The following ELAVL4 variants were observed in gnomAD, a reference collection of about 807,000 sequenced individuals.
ELAVL4 encodes ELAV-like protein 4.
In ELAVL4, 1 loss-of-function variant was observed where a neutral mutation model predicts 35.6. That is an observed-to-expected ratio of 0.03 (90% confidence interval 0.01 to 0.13). The LOEUF is 0.13. Ranked by LOEUF, ELAVL4 falls within the 10% of genes least tolerant of loss-of-function variation. The pLI is 1.00. For missense variants in ELAVL4, 267 were observed against 464.9 expected (o/e 0.57, Z 3.91); for synonymous variants, 156 against 171.0 (o/e 0.91, Z 0.69).
At chr1:50,199,974 TAAC>T (rs1402520999) in intron 6 of ELAVL4, among the ~76,000 whole-genome samples, 1 of 152,132 alleles carries the variant, frequency 6.6e-6, no homozygotes, top group Non-Finnish European at 1.5e-5. Flanking sequence ...ATAGGGCAAA[TAAC>T]AATTCTATGC....
intron 4 of ELAVL4, 69 bp downstream of exon 4, chr1:50,193,987 G>C: frequency 6.4e-7 from 1 of 1,562,594 alleles, no homozygotes; most frequent in Non-Finnish European, 8.7e-7. Context: ...CATAAGAGCA[G>C]AAGGCTGATG....
intron 1 of ELAVL4, among the ~76,000 whole-genome samples, chr1:50,087,628 C>G (rs144819019): frequency 2.5e-4 from 38 of 152,282 alleles, no homozygotes; most frequent in African/African-American, 8.9e-4. Flanking sequence ...TATTGAAGCT[C>G]TAGCTCTTGA....
In ELAVL4 at chr1:50,196,427, G is replaced by A. The variant is rs1644063971; in HGVS notation, c.734+641G>A. On this transcript the variant is annotated intron_variant, in intron 5 of 6. Transcript: ENST00000371824. ...TTCTAAAAGACAGGTTTCTCTCCATGAAGGCAGTATGACCTTGACTGGTCT... is the reference window on the plus strand; with the variant it reads ...TTCTAAAAGACAGGTTTCTCTCCATAAAGGCAGTATGACCTTGACTGGTCT... 2.6e-5 allele frequency among the ~76,000 whole-genome samples: 4 copies of A among 152,208 alleles called. No homozygotes were observed. The South Asian group carries it at 6.2e-4, about 24-fold the overall frequency.
chr1:50,090,721 G>A (rs1254733433), intron 1 of ELAVL4, among the ~76,000 whole-genome samples: 1 of 152,188 alleles, frequency 6.6e-6, no homozygotes, highest in Non-Finnish European at 1.5e-5. Context: ...AAGAGAGAGA[G>A]TGAAGATGGC....
At chr1:50,079,542 G>T (rs1011331306) in intron 1 of ELAVL4, among the ~76,000 whole-genome samples, 1 of 152,134 alleles carries the variant, frequency 6.6e-6, no homozygotes, top group Admixed American at 6.6e-5. Context: ...TCAAGAAGGG[G>T]GCATGACCTT....
chr1:50,051,405 C>T (rs1663374443), intron 1 of ELAVL4, among the ~76,000 whole-genome samples: 1 of 152,114 alleles, frequency 6.6e-6, no homozygotes, highest in Non-Finnish European at 1.5e-5. Context: ...AAAGATAAGA[C>T]ATGAGAAATC....
intron 2 of ELAVL4, among the ~76,000 whole-genome samples, chr1:50,155,756 G>T (rs1228301365): frequency 1.3e-5 from 2 of 152,130 alleles, no homozygotes; most frequent in Non-Finnish European, 2.9e-5. Flanking sequence ...GAGGGTTTCT[G>T]CAGTGAGTTC....
At chr1:50,052,647 A>G (rs1309317908) in intron 1 of ELAVL4, among the ~76,000 whole-genome samples, 1 of 152,184 alleles carries the variant, frequency 6.6e-6, no homozygotes, top group Non-Finnish European at 1.5e-5. Flanking sequence ...TTTTCCACAT[A>G]TTCAAACCAT....
In ELAVL4 at chr1:50,069,844, C is replaced by A. The variant is rs1186735815; in HGVS notation, c.18+21662C>A. On this transcript the variant is annotated intron_variant, in intron 1 of 6. Transcript: ENST00000448907. ...CTGGGTACTATATTTCCTTTGTAGA[C>A]CCTTCTTGTGCTTACCAACTCACAA... 2.0e-5 allele frequency among the ~76,000 whole-genome samples: 3 copies of A among 152,174 alleles called. No individual in the cohort carries two copies. In the East Asian group the frequency reaches 5.8e-4, roughly 29 times the overall value.
intron 2 of ELAVL4, among the ~76,000 whole-genome samples, chr1:50,154,157 G>A (rs954233128): frequency 6.6e-6 from 1 of 152,224 alleles, no homozygotes; most frequent in Non-Finnish European, 1.5e-5. Flanking sequence ...GAAGCTCAGA[G>A]ATGTTAAATA....
intron 1 of ELAVL4, among the ~76,000 whole-genome samples, chr1:50,056,942 A>AG (rs1663709745): frequency 6.6e-6 from 1 of 151,986 alleles, no homozygotes; most frequent in Admixed American, 6.6e-5. Context: ...AAAAAAAAAA[A>AG]AAGCACACCT....
At chr1:50,160,464 A>G (rs1676603725) in intron 2 of ELAVL4, among the ~76,000 whole-genome samples, 1 of 152,124 alleles carries the variant, frequency 6.6e-6, no homozygotes. Context: ...TTCTTTTTAA[A>G]CATTTGTTGA....
In ELAVL4 at chr1:50,201,655, G is replaced by A. The variant is rs1242421373; in HGVS notation, c.*477G>A. On this transcript the variant is annotated 3_prime_UTR_variant, in exon 7 of 7. Transcript: ENST00000371824. The surrounding 1 kb of genome is among the most constrained non-coding windows in gnomAD (Gnocchi z 4.3). ...AAGGAAAAAAAGATTTTTCTTTTTT[G>A]TCAAAATATCGATCCAATCAGATTG... 1 of 151,624 alleles carries A rather than the reference G, an allele frequency of 6.6e-6. No individual in the cohort carries two copies. The highest frequency in any genetic ancestry group is 1.5e-5 in the Non-Finnish European group (1 of 67,930). 9.4% of individuals were successfully genotyped at this position (151,624 alleles called of 1,614,324 possible). A position where few individuals can be genotyped will look rare whatever the true frequency, so the allele number is the denominator to read the frequency against.
intron 1 of ELAVL4, among the ~76,000 whole-genome samples, chr1:50,067,482 T>C (rs1664316905): frequency 6.6e-6 from 1 of 152,270 alleles, no homozygotes; most frequent in South Asian, 2.1e-4. Context: ...AGGGAAGATA[T>C]ATGTATGTAT....
intron 1 of ELAVL4, chr1:50,048,285 A>G: frequency 3.7e-6 from 5 of 1,356,382 alleles, no homozygotes; most frequent in Non-Finnish European, 4.8e-6. Context: ...CCCAGCGGCC[A>G]GCCTGGCCAC....
chr1:50,148,908 G>GT (rs1424597892), intron 2 of ELAVL4, among the ~76,000 whole-genome samples: 2 of 152,126 alleles, frequency 1.3e-5, no homozygotes, highest in Non-Finnish European at 2.9e-5. Context: ...CTGAATCCAA[G>GT]TTCCTATGTG....
At chr1:50,101,829 T>G (rs1665993518), upstream of ELAVL4, among the ~76,000 whole-genome samples, 1 of 152,208 alleles carries the variant, frequency 6.6e-6, no homozygotes, top group African/African-American at 2.4e-5. Context: ...ATCTTACTTT[T>G]AGATAAGGAA....
intron 1 of ELAVL4, among the ~76,000 whole-genome samples, chr1:50,093,364 G>A (rs1351270804): frequency 6.6e-6 from 1 of 152,154 alleles, no homozygotes; most frequent in African/African-American, 2.4e-5. Context: ...TGTGCTCAGT[G>A]TCTTGAGAAG....
rs145978545 is a variant in ELAVL4 at position 50,088,855 on chromosome 1, A to G, written c.18+40673A>G. On this transcript the variant is annotated intron_variant, in intron 1 of 6. Transcript: ENST00000448907. ...ACAGACCCTGTTCTCCAAATACTAG[A>G]CAGCAGAATAATCAGTTAAGCCTTA... 4.0e-3 allele frequency among the ~76,000 whole-genome samples: 614 copies of G among 152,278 alleles called. 4 individuals carry two copies. The highest frequency in any genetic ancestry group is 0.014 in the African/African-American group (592 of 41,552).
Sources: allele counts gnomAD v4.1 joint callset (sites outside exome capture counted in the v4.1 genomes callset), GRCh38; gene constraint gnomAD v4.1.1; non-coding constraint Gnocchi (gnomAD v3.1); transcripts MANE v1.5; gene names NCBI Gene and HGNC (gene_info 2026-07-23, HGNC 2026-07-21).